FOXP1: variants seen among roughly 807,000 people sequenced by gnomAD.
The protein encoded by FOXP1 is forkhead box P1.
Under a neutral mutation model 98.2 loss-of-function variants are expected in FOXP1, and 15 were observed. That is an observed-to-expected ratio of 0.15 (90% CI 0.10 to 0.24). The LOEUF (loss-of-function observed/expected upper bound fraction) is 0.24, where lower values mean the gene tolerates loss of function less well. Ranked by LOEUF, FOXP1 falls within the 10% of genes least tolerant of loss-of-function variation. The pLI, the probability that FOXP1 is intolerant of heterozygous loss-of-function variation, is 1.00. For synonymous variants in FOXP1, 371 were observed against 314.5 expected (o/e 1.18, Z -1.90); for missense variants, 633 against 848.5 (o/e 0.75, Z 3.15).
chr3:70,986,247 C>T (rs2039714675), intron 14 of FOXP1, among the ~76,000 whole-genome samples: 1 of 152,200 alleles, frequency 6.6e-6, no homozygotes, highest in African/African-American at 2.4e-5. Flanking sequence ...CCCACAGGGG[C>T]TTACACACAT....
rs1442742317 is a variant in FOXP1 at position 70,956,413 on chromosome 3, T to C, written c.*2834A>G. 4.4e-6 allele frequency: 1 copy of C among 226,716 alleles called. No individual in the cohort carries two copies. The highest frequency in any genetic ancestry group is 8.8e-6 in the Non-Finnish European group (1 of 114,192). The allele number at this position is 226,716 out of a possible 1,614,324, so 14.0% of individuals were successfully genotyped here. A position where few individuals can be genotyped will look rare whatever the true frequency, so the allele number is the denominator to read the frequency against. ...TGCAAAGATATGTAAAATCTAATTTTTCTTTTTTTTTTTTTTTTGCTACAG... is the reference window on the plus strand; with the variant it reads ...TGCAAAGATATGTAAAATCTAATTTCTCTTTTTTTTTTTTTTTTGCTACAG... On this transcript the variant is annotated 3_prime_UTR_variant, in exon 21 of 21. Transcript: ENST00000649528.
chr3:71,101,514 C>CA (rs894280394), intron 7 of FOXP1, among the ~76,000 whole-genome samples: 35 of 150,524 alleles, frequency 2.3e-4, no homozygotes, highest in Admixed American at 1.1e-3. Context: ...TGGCATTTTC[C>CA]AAAAAAAACA....
rs562659430 is a variant in FOXP1 at position 71,109,621 on chromosome 3, G to A, written c.282+2915C>T. Among the ~76,000 whole-genome samples, 8 of 152,290 alleles carry A rather than the reference G, an allele frequency of 5.3e-5. No individual in the cohort carries two copies. The South Asian group carries it at 8.3e-4, about 16-fold the overall frequency. On this transcript the variant is annotated intron_variant, in intron 7 of 20. Coordinates refer to ENST00000649528, the MANE Select transcript of FOXP1 (RefSeq NM_001349338.3). ...ATTTCAGAGCCACTCCGGCGGAGAC[G>A]CCTCAGCAAGGATGCAGTATGGCAA...
chr3:71,296,600 C>G (rs186127813), intron 5 of FOXP1: 6 of 142,908 alleles, frequency 4.2e-5, no homozygotes, highest in Admixed American at 2.1e-4. Context: ...GGAATGGATA[C>G]TGTAAAAGAA....
At chr3:71,302,607 C>T (rs868369600) in intron 4 of FOXP1, 5 of 150,316 alleles carry the variant, frequency 3.3e-5, no homozygotes, top group African/African-American at 7.3e-5. Context: ...ATACGAATTG[C>T]GTTTTTTTTT....
intron 4 of FOXP1, among the ~76,000 whole-genome samples, chr3:71,329,347 G>A (rs1024108269): frequency 1.6e-4 from 24 of 151,712 alleles, no homozygotes; most frequent in Middle Eastern, 3.4e-3. Context: ...TCAGCCTTCC[G>A]AGTAGCTGGG....
intron 6 of FOXP1, among the ~76,000 whole-genome samples, chr3:71,175,838 G>A (rs773639867): frequency 1.4e-4 from 21 of 152,092 alleles, no homozygotes; most frequent in Non-Finnish European, 2.6e-4. Flanking sequence ...TTTATTTATC[G>A]TGCTAAGCAA....
intron 5 of FOXP1, among the ~76,000 whole-genome samples, chr3:71,264,755 A>G (rs964958694): frequency 1.3e-5 from 2 of 152,244 alleles, no homozygotes; most frequent in Non-Finnish European, 2.9e-5. Flanking sequence ...TACGCGATTG[A>G]TAACAGTCTT....
chr3:71,320,871 C>A, intron 4 of FOXP1, among the ~76,000 whole-genome samples: 1 of 152,188 alleles, frequency 6.6e-6, no homozygotes, highest in South Asian at 2.1e-4. Context: ...TTGTTCATAC[C>A]TCTGAAGATA....
chr3:71,136,295 G>A (rs911267552), intron 6 of FOXP1, among the ~76,000 whole-genome samples: 20 of 152,190 alleles, frequency 1.3e-4, no homozygotes, highest in Non-Finnish European at 2.5e-4. Context: ...TCCTGTTATT[G>A]AAAGAAAATT....
intron 20 of FOXP1, among the ~76,000 whole-genome samples, chr3:70,964,077 C>A (rs999940375): frequency 6.6e-6 from 1 of 152,078 alleles, no homozygotes; most frequent in South Asian, 2.1e-4. Context: ...AATATGAGGT[C>A]AAAAAGAGTA....
chr3:71,445,782 G>C (rs2086359285), intron 3 of FOXP1, among the ~76,000 whole-genome samples: 1 of 151,388 alleles, frequency 6.6e-6, no homozygotes, highest in Admixed American at 6.6e-5. Context: ...CCGCCTCCTG[G>C]GTTCAAGTGA....
At chr3:71,215,261 G>A (rs754407439) in intron 5 of FOXP1, among the ~76,000 whole-genome samples, 10 of 152,100 alleles carry the variant, frequency 6.6e-5, no homozygotes, top group Non-Finnish European at 1.3e-4. Flanking sequence ...GATTTCACTC[G>A]TCCTTCTAAG....
At chr3:71,134,719 T>C (rs757160947) in intron 6 of FOXP1, among the ~76,000 whole-genome samples, 2 of 152,194 alleles carry the variant, frequency 1.3e-5, no homozygotes, top group Non-Finnish European at 2.9e-5. Context: ...TGCCAAGTTA[T>C]GCTGTATATT....
chr3:71,412,781 C>A (rs545877037), intron 3 of FOXP1, among the ~76,000 whole-genome samples: 55 of 152,298 alleles, frequency 3.6e-4, no homozygotes, highest in African/African-American at 1.3e-3. Context: ...TCCCTGGGAA[C>A]CCAGGCACCA....
chr3:71,371,777 C>T (rs777133794), intron 3 of FOXP1, among the ~76,000 whole-genome samples: 3 of 152,108 alleles, frequency 2.0e-5, no homozygotes, highest in Non-Finnish European at 2.9e-5. Flanking sequence ...TGGCAGAGAA[C>T]AAAACCCAGT....
Position 70,956,918 on chromosome 3 carries a change from A to C in FOXP1, c.*2329T>G, listed in dbSNP as rs944982120. ...AAATGAAAAATGCTGACCAAAGCCT[A>C]ATCGGAAAAAAAGGAAAAATTAAAA... On this transcript the variant is annotated 3_prime_UTR_variant, in exon 21 of 21. Transcript: ENST00000649528. The C allele has an allele frequency of 1.8e-5, 4 of 217,824 alleles. No individual in the cohort carries two copies. The highest frequency in any genetic ancestry group is 3.7e-5 in the Non-Finnish European group (4 of 108,750). The allele number at this position is 217,824 out of a possible 1,614,324, so 13.5% of individuals were successfully genotyped here.
intron 5 of FOXP1, among the ~76,000 whole-genome samples, chr3:71,276,955 C>CATTTT (rs1217608544): frequency 7.7e-6 from 1 of 129,480 alleles, no homozygotes; most frequent in African/African-American, 2.9e-5. Context: ...AGTAGATCAA[C>CATTTT]TTTTTTTTTT....
intron 2 of FOXP1, among the ~76,000 whole-genome samples, chr3:71,504,961 G>A (rs1047144995): frequency 1.3e-5 from 2 of 152,160 alleles, no homozygotes; most frequent in Admixed American, 1.3e-4. Flanking sequence ...ACGGTGGCAA[G>A]AGTAAATGCT....
Sources: allele counts gnomAD v4.1 joint callset (sites outside exome capture counted in the v4.1 genomes callset), GRCh38; gene constraint gnomAD v4.1.1; transcripts MANE v1.5; gene names NCBI Gene and HGNC (gene_info 2026-07-23, HGNC 2026-07-21).